The following PMS1 variants were observed in gnomAD, a reference collection of about 807,000 sequenced individuals.
PMS1 encodes the protein PMS1 protein homolog 1.
In PMS1, 79 loss-of-function variants were observed where a neutral mutation model predicts 93.1. That is an observed-to-expected ratio of 0.85 (90% CI 0.71 to 1.02). The LOEUF (loss-of-function observed/expected upper bound fraction) is 1.02, where lower values mean the gene tolerates loss of function less well. Ranked by LOEUF, PMS1 falls within the 50% of genes least tolerant of loss-of-function variation. The pLI is 0.00. For missense variants in PMS1, 1,064 were observed against 1,085.3 expected (o/e 0.98, Z 0.28); for synonymous variants, 335 against 363.4 (o/e 0.92, Z 0.89).
At chr2:189,795,436 T>C in intron 2 of PMS1, among the ~76,000 whole-genome samples, 1 of 152,210 alleles carries the variant, frequency 6.6e-6, no homozygotes, top group East Asian at 1.9e-4. Flanking sequence ...ACCAAAGGTG[T>C]ATGTAATTCA....
intron 4 of PMS1, among the ~76,000 whole-genome samples, chr2:189,814,207 C>T (rs967563453): frequency 3.3e-5 from 5 of 151,966 alleles, no homozygotes; most frequent in African/African-American, 1.2e-4. Context: ...TATGTGTTCT[C>T]ACCATGTTAG....
intron 5 of PMS1, among the ~76,000 whole-genome samples, chr2:189,833,112 C>T (rs2053098949): frequency 6.6e-6 from 1 of 152,154 alleles, no homozygotes; most frequent in Non-Finnish European, 1.5e-5. Context: ...CACACATTAA[C>T]TTCTTTTTCT....
chr2:189,872,209 A>G (rs1423287578), intron 11 of PMS1, among the ~76,000 whole-genome samples: 1 of 152,088 alleles, frequency 6.6e-6, no homozygotes, highest in Admixed American at 6.5e-5. Context: ...ATAATATTAT[A>G]TATTATTCTC....
At chr2:189,814,761 C>T (rs1336747805) in intron 4 of PMS1, among the ~76,000 whole-genome samples, 3 of 152,078 alleles carry the variant, frequency 2.0e-5, no homozygotes, top group Non-Finnish European at 4.4e-5. Context: ...ACTGTAGAAG[C>T]AGCAGCCTTG....
At chr2:189,833,932 T>A (rs1487054703) in intron 5 of PMS1, among the ~76,000 whole-genome samples, 3 of 152,238 alleles carry the variant, frequency 2.0e-5, no homozygotes, top group African/African-American at 7.2e-5. Flanking sequence ...CTTACTTAAC[T>A]ACATATCAAT....
intron 3 of PMS1, among the ~76,000 whole-genome samples, chr2:189,803,240 C>G (rs778884194): frequency 3.3e-5 from 5 of 152,114 alleles, no homozygotes; most frequent in Non-Finnish European, 7.4e-5. Flanking sequence ...CCTGAATTAT[C>G]AGGATATATT....
rs749351122 is a variant in PMS1, at chr2:189,864,094, G to A, written c.2208G>A (p.Trp736Ter). 1.2e-6 allele frequency: 2 copies of A among 1,613,570 alleles called. No individual in the cohort carries two copies. Among genetic ancestry groups the A allele is most frequent in the Non-Finnish European group, 1.7e-6 (2 of 1,179,726 alleles). The change falls in exon 10 of 13, where the codon TGG becomes TGA. Residue 736 changes from tryptophan to a stop codon, truncating the protein, a stop_gained. Coordinates refer to ENST00000441310, the MANE Select transcript of PMS1 (RefSeq NM_000534.5). LOFTEE classifies it high-confidence loss of function. ...ACAATCTCAGGTTTCCTGATGCATGGCTAATGACATCCAAAACAGAGGTAA... is the reference window on the plus strand; with the variant it reads ...ACAATCTCAGGTTTCCTGATGCATGACTAATGACATCCAAAACAGAGGTAA... ...LIHNLRFPDAWLMTSKTEVML... is the reference protein window; with the variant it reads ...LIHNLRFPDA
chr2:189,791,807 A>G lies in PMS1; in HGVS notation c.-3A>G. ...TCTTCTAGCTGCTCTGTTAAAAGCGAAAATGAAACAATTGCCTGCGGCAAC... is the reference window on the plus strand; with the variant it reads ...TCTTCTAGCTGCTCTGTTAAAAGCGGAAATGAAACAATTGCCTGCGGCAAC... On this transcript the variant is annotated 5_prime_UTR_variant, in exon 2 of 13. Coordinates refer to ENST00000441310, the MANE Select transcript of PMS1 (RefSeq NM_000534.5). 3 of 1,613,790 alleles carry G rather than the reference A, an allele frequency of 1.9e-6. No individual in the cohort carries two copies. The highest frequency in any genetic ancestry group is 2.5e-6 in the Non-Finnish European group (3 of 1,179,814).
intron 4 of PMS1, among the ~76,000 whole-genome samples, chr2:189,809,397 C>T (rs897312921): frequency 3.8e-4 from 56 of 146,842 alleles, no homozygotes; most frequent in African/African-American, 1.4e-3. Flanking sequence ...AATGGGGCCT[C>T]CTCCCTATTA....
chr2:189,806,642 C>T (rs1220913728), intron 4 of PMS1: 2 of 201,716 alleles, frequency 9.9e-6, no homozygotes, highest in Admixed American at 1.2e-4. Context: ...AGCGATACAC[C>T]TGCCTTGGCC....
At chr2:189,799,041 A>G (rs967357693) in intron 3 of PMS1, among the ~76,000 whole-genome samples, 13 of 152,104 alleles carry the variant, frequency 8.5e-5, no homozygotes, top group African/African-American at 3.1e-4. Flanking sequence ...TCCATTGGTC[A>G]CTTTCTATCT....
At chr2:189,807,260 T>C (rs1226624259) in intron 4 of PMS1, among the ~76,000 whole-genome samples, 1 of 152,176 alleles carries the variant, frequency 6.6e-6, no homozygotes, top group Non-Finnish European at 1.5e-5. Flanking sequence ...TCCTCATTTA[T>C]TCAGTTAATG....
At chr2:189,868,943 T>C (rs1419083236) in intron 11 of PMS1, among the ~76,000 whole-genome samples, 3 of 152,204 alleles carry the variant, frequency 2.0e-5, no homozygotes, top group Admixed American at 1.3e-4. Context: ...TGTGTCTTCA[T>C]TGAAAACAAC....
In PMS1 at chr2:189,873,675, A is replaced by G. The variant is rs1209337658; in HGVS notation, c.2634+19A>G. ...TTTAGAGGTACGCATTATTTTATAT[A>G]TATGTTATTGTATACAGGGGTCCCA... On this transcript the variant is annotated intron_variant, in intron 12 of 12. Coordinates refer to ENST00000441310, the MANE Select transcript of PMS1 (RefSeq NM_000534.5). 6.4e-7 allele frequency: 1 copy of G among 1,572,282 alleles called. No individual in the cohort carries two copies. Among genetic ancestry groups the G allele is most frequent in the African/African-American group, 1.3e-5 (1 of 74,166 alleles).
chr2:189,840,253 CA>C (rs965074111), intron 5 of PMS1, among the ~76,000 whole-genome samples: 3 of 149,512 alleles, frequency 2.0e-5, no homozygotes, highest in Non-Finnish European at 4.5e-5. Context: ...TATTTCTGGA[CA>C]AAAAAAAATG....
chr2:189,859,771 G>A (rs903295210), intron 9 of PMS1, among the ~76,000 whole-genome samples: 1 of 151,856 alleles, frequency 6.6e-6, no homozygotes, highest in Admixed American at 6.6e-5. Flanking sequence ...GATGGTTTGG[G>A]TGTGTTTAAT....
At chr2:189,810,804 G>T (rs2050774808) in intron 4 of PMS1, among the ~76,000 whole-genome samples, 1 of 152,064 alleles carries the variant, frequency 6.6e-6, no homozygotes, top group Admixed American at 6.5e-5. Context: ...CTCTTGGCAG[G>T]AAACAAAGCA....
At chr2:189,803,275 C>G (rs193085946) in intron 3 of PMS1, among the ~76,000 whole-genome samples, 83 of 152,202 alleles carry the variant, frequency 5.5e-4, no homozygotes, top group African/African-American at 1.5e-3. Context: ...TACTTTTTAT[C>G]TAAACATTGA....
At chr2:189,856,390 G>T (rs2055339435) in intron 9 of PMS1, among the ~76,000 whole-genome samples, 1 of 151,928 alleles carries the variant, frequency 6.6e-6, no homozygotes, top group South Asian at 2.1e-4. Context: ...AAGAGATAAA[G>T]ATATTCATAT....
Sources: allele counts gnomAD v4.1 joint callset (sites outside exome capture counted in the v4.1 genomes callset), GRCh38; gene constraint gnomAD v4.1.1; transcripts MANE v1.5; gene names NCBI Gene and HGNC (gene_info 2026-07-23, HGNC 2026-07-21).